Variants in ARHGEF10L observed in about 807,000 individuals in gnomAD.
ARHGEF10L encodes rho guanine nucleotide exchange factor 10-like protein.
ARHGEF10L carries 69 observed loss-of-function variants against 141.2 expected under a neutral mutation model. The ratio of observed to expected loss-of-function variants is 0.49; its 90% CI spans 0.40 to 0.60. ARHGEF10L has a LOEUF of 0.60. Among genes scored for constraint, ARHGEF10L ranks in the 20% least tolerant of loss-of-function variants. ARHGEF10L has a pLI of 0.00. For synonymous variants in ARHGEF10L, 711 were observed against 718.5 expected, an observed-to-expected ratio of 0.99 and a Z score of 0.17; for missense variants, 1,482 against 1,734.3, an observed-to-expected ratio of 0.85 and a Z score of 2.58.
At chr1:17,572,314 T>C (rs1453659439) in intron 1 of ARHGEF10L, among the ~76,000 whole-genome samples, 2 of 152,154 alleles carry the variant, frequency 1.3e-5, no homozygotes, top group African/African-American at 4.8e-5. Context: ...AATATCAGGG[T>C]AGAAAACTCT....
the ARHGEF10L span, among the ~76,000 whole-genome samples, chr1:17,534,107 A>G: frequency 1.3e-4 from 19 of 151,108 alleles, no homozygotes; most frequent in Non-Finnish European, 2.5e-4. Context: ...GATTACAAGC[A>G]GCTGCCACCA....
intron 28 of ARHGEF10L, among the ~76,000 whole-genome samples, chr1:17,696,404 G>A (rs1016414199): frequency 6.6e-6 from 1 of 152,110 alleles, no homozygotes; most frequent in Non-Finnish European, 1.5e-5. Context: ...GGTCATCATA[G>A]CTCGGGTGAC....
intron 2 of ARHGEF10L, 55 bp from the exon 3 acceptor site, chr1:17,587,405 C>T: frequency 6.4e-7 from 1 of 1,565,648 alleles, no homozygotes; most frequent in Non-Finnish European, 8.7e-7. Flanking sequence ...AGCCATCTCT[C>T]CATTGACCAA....
At chr1:17,541,315 C>T (rs1243222055) in intron 1 of ARHGEF10L, among the ~76,000 whole-genome samples, 1 of 152,144 alleles carries the variant, frequency 6.6e-6, no homozygotes, top group African/African-American at 2.4e-5. Context: ...GTTGTGGGGG[C>T]GGGGGGCTTT....
intron 4 of ARHGEF10L, among the ~76,000 whole-genome samples, chr1:17,591,481 G>A (rs1231939361): frequency 6.7e-6 from 1 of 149,402 alleles, no homozygotes; most frequent in African/African-American, 2.5e-5. Flanking sequence ...GCGCCATCTC[G>A]GCTCACTGCA....
chr1:17,522,042 C>G, the ARHGEF10L span, among the ~76,000 whole-genome samples: 1 of 152,158 alleles, frequency 6.6e-6, no homozygotes, highest in Non-Finnish European at 1.5e-5. Context: ...TGTGCAACAA[C>G]AGAGGGAGGG....
At chr1:17,610,321 A>G (rs1181140198) in intron 7 of ARHGEF10L, among the ~76,000 whole-genome samples, 3 of 152,172 alleles carry the variant, frequency 2.0e-5, no homozygotes, top group Non-Finnish European at 2.9e-5. Context: ...TGTACTCACC[A>G]TGGCCTGGCC....
At chr1:17,655,767 G>A (rs1410426901) in intron 23 of ARHGEF10L, 112 bp from the exon 24 acceptor site, 2 of 954,268 alleles carry the variant, frequency 2.1e-6, no homozygotes, top group Non-Finnish European at 3.1e-6. Flanking sequence ...GTGGGCAGGA[G>A]AAGGGATGCT....
chr1:17,567,167 T>C (rs1416420803), intron 1 of ARHGEF10L, among the ~76,000 whole-genome samples: 1 of 152,152 alleles, frequency 6.6e-6, no homozygotes, highest in East Asian at 1.9e-4. Flanking sequence ...CATCCGTGCA[T>C]CCGCCCCTCC....
intron 21 of ARHGEF10L, 128 bp from the exon 22 acceptor site, chr1:17,648,426 G>T: frequency 8.5e-7 from 1 of 1,180,650 alleles, no homozygotes; most frequent in Non-Finnish European, 1.2e-6. Flanking sequence ...GGAGTAGGGT[G>T]GGGAGTGACT....
chr1:17,514,131 T>A, the ARHGEF10L span, among the ~76,000 whole-genome samples: 4 of 123,420 alleles, frequency 3.2e-5, no homozygotes, highest in Non-Finnish European at 6.8e-5. Flanking sequence ...GCCTCTTTTT[T>A]TTTTTTTTTT....
Position 17,539,878 on chromosome 1 carries a change from G to C in ARHGEF10L, c.-116G>C, listed in dbSNP as rs1370225340. On this transcript the variant is annotated 5_prime_UTR_variant, in exon 1 of 29. Transcript: ENST00000361221. The surrounding 1 kb of genome is among the most constrained non-coding windows in gnomAD (Gnocchi z 6.0). Reference sequence around the variant, plus strand: ...GCGCCCGCGGCGGCCTGCGGAGCTGGAGGCGCGGCGCCGGCCGCCAGGCGC... The same window carrying C: ...GCGCCCGCGGCGGCCTGCGGAGCTGCAGGCGCGGCGCCGGCCGCCAGGCGC... 6.7e-6 allele frequency: 1 copy of C among 149,876 alleles called. No homozygotes were observed. Among genetic ancestry groups the C allele is most frequent in the Non-Finnish European group, 1.5e-5 (1 of 67,218 alleles). The allele number at this position is 149,876 out of a possible 1,614,324, so 9.3% of individuals were successfully genotyped here.
intron 4 of ARHGEF10L, among the ~76,000 whole-genome samples, chr1:17,598,775 T>C (rs146767106): frequency 2.9e-4 from 43 of 147,308 alleles, no homozygotes; most frequent in East Asian, 1.2e-3. Flanking sequence ...CTCTCTCTCT[T>C]TTTTTTTTTT....
intron 10 of ARHGEF10L, among the ~76,000 whole-genome samples, chr1:17,620,385 G>A (rs184400043): frequency 8.1e-4 from 124 of 152,316 alleles, no homozygotes; most frequent in African/African-American, 2.9e-3. Flanking sequence ...AGGATGTGTT[G>A]TAGGATGGTG....
intron 25 of ARHGEF10L, among the ~76,000 whole-genome samples, chr1:17,660,839 A>T (rs1450644587): frequency 1.3e-5 from 2 of 152,020 alleles, no homozygotes; most frequent in Non-Finnish European, 2.9e-5. Context: ...TCCCACAGCC[A>T]CTGGAGGGTA....
At chr1:17,609,078 C>G (rs1193109185) in intron 7 of ARHGEF10L, among the ~76,000 whole-genome samples, 1 of 152,244 alleles carries the variant, frequency 6.6e-6, no homozygotes, top group Non-Finnish European at 1.5e-5. Flanking sequence ...CCACCATGCC[C>G]AGCCTCAAGC....
At position 17,689,409 on chromosome 1, in the gene ARHGEF10L, G is replaced by A. The variant is rs188564927; in HGVS notation, c.3184+1662G>A. On this transcript the variant is annotated intron_variant, in intron 27 of 28. Coordinates refer to ENST00000361221, the MANE Select transcript of ARHGEF10L (RefSeq NM_018125.4). ...CCCTTCACTCACGTTCTCCTGGGGTGTGTGAGAGGCTTGATGGGACCTGTG... is the reference window on the plus strand; with the variant it reads ...CCCTTCACTCACGTTCTCCTGGGGTATGTGAGAGGCTTGATGGGACCTGTG... Among the ~76,000 whole-genome samples the A allele has an allele frequency of 6.7e-4, 86 of 129,044 alleles. 2 individuals carry two copies. The East Asian group carries it at 0.019, about 29-fold the overall frequency. 84.7% of individuals were successfully genotyped at this position (129,044 alleles called of 152,430 possible).
chr1:17,658,648 TG>T (rs1262075459), intron 25 of ARHGEF10L, among the ~76,000 whole-genome samples: 10 of 152,258 alleles, frequency 6.6e-5, no homozygotes, highest in Non-Finnish European at 1.5e-4. Flanking sequence ...CTATATGCCA[TG>T]GACACAGTGG....
At position 17,627,782 on chromosome 1, in the gene ARHGEF10L, G is replaced by A. The variant is rs1446848764; in HGVS notation, c.1584+279G>A. Among the ~76,000 whole-genome samples the A allele has an allele frequency of 6.6e-6, 1 of 152,192 alleles. No individual in the cohort carries two copies. Among genetic ancestry groups the A allele is most frequent in the Admixed American group, 6.5e-5 (1 of 15,288 alleles). ...AAGCCTAGTTAAATGAACAGGCTCT[G>A]GAGAGTCAGAATCTGGGTTTAGATC... On this transcript the variant is annotated intron_variant, in intron 15 of 28. Transcript: ENST00000361221. The surrounding 1 kb of genome is among the most constrained non-coding windows in gnomAD (Gnocchi z 4.0).
Sources: gnomAD v4.1 joint callset for allele counts (sites outside exome capture counted in the v4.1 genomes callset) on GRCh38, gnomAD v4.1.1 for gene constraint, Gnocchi (gnomAD v3.1) non-coding constraint, MANE v1.5 for transcripts, NCBI Gene and HGNC (gene_info 2026-07-23, HGNC 2026-07-21) for gene names.